CPA6: variants seen among roughly 807,000 people sequenced by gnomAD.
CPA6 encodes carboxypeptidase B.
A neutral mutation model predicts 63.3 loss-of-function variants in CPA6; 58 were observed. That is an observed-to-expected ratio of 0.92 (90% CI 0.74 to 1.14). CPA6 has a LOEUF of 1.14. CPA6 is among the 50% of genes most tolerant of loss of function. The probability of loss-of-function intolerance (pLI) is 0.00; values close to 1 mark genes in which losing one functional copy is unlikely to be tolerated. For synonymous variants in CPA6, 185 were observed against 179.0 expected (o/e 1.03, Z -0.27); for missense variants, 565 against 526.6 (o/e 1.07, Z -0.71).
At chr8:67,531,246 G>GA (rs909209614) in intron 2 of CPA6, among the ~76,000 whole-genome samples, 3 of 151,856 alleles carry the variant, frequency 2.0e-5, no homozygotes, top group Non-Finnish European at 2.9e-5. Flanking sequence ...AAGCAGAAAA[G>GA]AAAAAAGCAT....
At chr8:67,468,717 C>T (rs957970114) in intron 8 of CPA6, among the ~76,000 whole-genome samples, 2 of 152,166 alleles carry the variant, frequency 1.3e-5, no homozygotes, top group African/African-American at 4.8e-5. Context: ...CTTGCAAACA[C>T]ACCAGTTTGA....
chr8:67,475,805 CTTT>C (rs1475497494), intron 8 of CPA6, among the ~76,000 whole-genome samples: 1,674 of 58,842 alleles, frequency 0.028, 50 homozygotes, highest in African/African-American at 0.037. Flanking sequence ...TTCTTTCTTT[CTTT>C]CTTTCTTTCC....
intron 2 of CPA6, among the ~76,000 whole-genome samples, chr8:67,518,402 C>T (rs918070269): frequency 1.5e-4 from 23 of 152,014 alleles, no homozygotes; most frequent in Non-Finnish European, 2.9e-5. Context: ...ATATAAATCA[C>T]CCTTCATCCT....
rs200462142 is a variant in CPA6 at position 67,597,260 on chromosome 8, G to A, written c.192+26916C>T. Among the ~76,000 whole-genome samples, 231 of 147,414 alleles carry A rather than the reference G, an allele frequency of 1.6e-3. 2 individuals are homozygous for A. The highest frequency in any genetic ancestry group is 9.5e-3 in the East Asian group (47 of 4,966). ...GTTGCCCAGGCTGGAGTGCAGTGGC[G>A]TGATCTCAGCTCCCTGCAAACTCCG... On this transcript the variant is annotated intron_variant, in intron 2 of 10. Coordinates refer to ENST00000297770, the MANE Select transcript of CPA6 (RefSeq NM_020361.5).
intron 2 of CPA6, among the ~76,000 whole-genome samples, chr8:67,519,860 T>C (rs1812224344): frequency 6.6e-6 from 1 of 152,246 alleles, no homozygotes; most frequent in African/African-American, 2.4e-5. Context: ...CTCATTCACA[T>C]TTAACAAGAT....
Position 67,475,829 on chromosome 8 carries a change from TTC to T in CPA6, c.838+7937_838+7938del, listed in dbSNP as rs1563967634. ...TCTTTCTTTCTTTCCTTTCTTTTCTTTCTTTCTTTCTTTCTTTCTTTCTTTCT... is the reference window on the plus strand; with the variant it reads ...TCTTTCTTTCTTTCCTTTCTTTTCTTTTTCTTTCTTTCTTTCTTTCTTTCT... On this transcript the variant is annotated intron_variant, in intron 8 of 10. Transcript: ENST00000297770. 2.3e-3 allele frequency among the ~76,000 whole-genome samples: 148 copies of T among 65,250 alleles called. 5 individuals are homozygous for T. The highest frequency in any genetic ancestry group is 0.01 in the African/African-American group (142 of 13,694). 42.8% of individuals were successfully genotyped at this position (65,250 alleles called of 152,430 possible). A position where few individuals can be genotyped will look rare whatever the true frequency, so the allele number is the denominator to read the frequency against.
At chr8:67,596,264 T>C (rs558526823) in intron 2 of CPA6, among the ~76,000 whole-genome samples, 95 of 152,324 alleles carry the variant, frequency 6.2e-4, no homozygotes, top group African/African-American at 2.1e-3. Flanking sequence ...TTCACTCTCT[T>C]CTTGAAAGAT....
intron 4 of CPA6, 104 bp from the exon 5 acceptor site, chr8:67,509,722 G>A: frequency 1.8e-6 from 1 of 561,878 alleles, no homozygotes; most frequent in Non-Finnish European, 3.2e-6. Flanking sequence ...CGAATTCAAG[G>A]AGTGCACATG....
intron 1 of CPA6, among the ~76,000 whole-genome samples, chr8:67,711,687 A>G (rs1817263697): frequency 2.1e-5 from 1 of 46,550 alleles, no homozygotes; most frequent in African/African-American, 1.3e-4. Flanking sequence ...ATGCCTGTGT[A>G]CACACACACA....
chr8:67,709,662 G>A (rs564520348), intron 1 of CPA6, among the ~76,000 whole-genome samples: 1 of 152,280 alleles, frequency 6.6e-6, no homozygotes, highest in South Asian at 2.1e-4. Flanking sequence ...AACCTGAAGT[G>A]GTCAGGTCAT....
intron 3 of CPA6, among the ~76,000 whole-genome samples, chr8:67,514,215 C>A (rs544291923): frequency 6.6e-6 from 1 of 152,232 alleles, no homozygotes; most frequent in Admixed American, 6.5e-5. Flanking sequence ...GCCTTAGCCT[C>A]CCAAAGTGCT....
At chr8:67,657,491 T>A (rs1466629222) in intron 1 of CPA6, among the ~76,000 whole-genome samples, 1 of 152,132 alleles carries the variant, frequency 6.6e-6, no homozygotes, top group Non-Finnish European at 1.5e-5. Context: ...AAGAAGAGGT[T>A]TTATAAGTCA....
chr8:67,691,146 A>C (rs996260934), intron 1 of CPA6, among the ~76,000 whole-genome samples: 1 of 152,242 alleles, frequency 6.6e-6, no homozygotes, highest in African/African-American at 2.4e-5. Context: ...GAGGAAATTC[A>C]CACAAGAACC....
intron 2 of CPA6, among the ~76,000 whole-genome samples, chr8:67,566,919 T>C (rs1293303222): frequency 6.6e-6 from 1 of 152,222 alleles, no homozygotes; most frequent in Non-Finnish European, 1.5e-5. Context: ...AGAATAGCCA[T>C]TGTTTGGAGT....
chr8:67,430,131 A>ATATGTG (rs1197851567), intron 9 of CPA6, among the ~76,000 whole-genome samples: 6 of 128,656 alleles, frequency 4.7e-5, no homozygotes, highest in Admixed American at 2.5e-4. Flanking sequence ...GTATATATAT[A>ATATGTG]TGTGTGTGTG....
At chr8:67,423,704 T>C (rs925622816) in intron 10 of CPA6, among the ~76,000 whole-genome samples, 1 of 152,174 alleles carries the variant, frequency 6.6e-6, no homozygotes, top group African/African-American at 2.4e-5. Flanking sequence ...ATTACTGAAG[T>C]CTTTTTCTGC....
chr8:67,626,698 A>T (rs1815202142), intron 1 of CPA6, among the ~76,000 whole-genome samples: 1 of 151,950 alleles, frequency 6.6e-6, no homozygotes, highest in Non-Finnish European at 1.5e-5. Context: ...TTCTCATCTG[A>T]CCCAATACAA....
chr8:67,683,122 G>A (rs763685021), intron 1 of CPA6, among the ~76,000 whole-genome samples: 42 of 152,230 alleles, frequency 2.8e-4, no homozygotes, highest in Non-Finnish European at 3.2e-4. Flanking sequence ...AGTAGCTGGA[G>A]CAATCATAGC....
At chr8:67,541,810 G>A (rs113010148) in intron 2 of CPA6, among the ~76,000 whole-genome samples, 3,601 of 152,228 alleles carry the variant, frequency 0.024, 102 homozygotes, top group Admixed American at 0.087. Context: ...GCTTTGGCTC[G>A]CCCTCTGTGG....
Sources: gnomAD v4.1 joint callset for allele counts (sites outside exome capture counted in the v4.1 genomes callset) on GRCh38, gnomAD v4.1.1 for gene constraint, MANE v1.5 for transcripts, NCBI Gene and HGNC (gene_info 2026-07-23, HGNC 2026-07-21) for gene names.